Variants in CCSER1 observed in about 807,000 individuals in gnomAD.
CCSER1 encodes serine-rich coiled-coil domain-containing protein 1.
A neutral mutation model predicts 82.0 loss-of-function variants in CCSER1; 41 were observed. The observed-to-expected ratio is 0.50, with a 90% confidence interval of 0.39 to 0.65. The LOEUF is 0.65. Ranked by LOEUF, CCSER1 falls within the 30% of genes least tolerant of loss-of-function variation. The probability of loss-of-function intolerance (pLI) is 0.00; values close to 1 mark genes in which losing one functional copy is unlikely to be tolerated. For missense variants in CCSER1, 1,119 were observed against 1,064.2 expected (o/e 1.05, Z -0.72); for synonymous variants, 414 against 383.9 (o/e 1.08, Z -0.92).
intron 10 of CCSER1, among the ~76,000 whole-genome samples, chr4:91,548,978 A>G (rs1162456878): frequency 2.6e-5 from 4 of 151,994 alleles, no homozygotes; most frequent in African/African-American, 4.8e-5. Flanking sequence ...TCTCCTTCTG[A>G]TATTCCCATT....
chr4:90,576,345 T>G, intron 5 of CCSER1, among the ~76,000 whole-genome samples: 1 of 152,152 alleles, frequency 6.6e-6, no homozygotes, highest in Non-Finnish European at 1.5e-5. Context: ...AATGACTCAT[T>G]TTTTAACTGA....
intron 9 of CCSER1, among the ~76,000 whole-genome samples, chr4:90,973,817 G>A (rs998502749): frequency 2.6e-5 from 4 of 151,072 alleles, no homozygotes; most frequent in Admixed American, 6.6e-5. Flanking sequence ...ACAGACAAAC[G>A]CATACATACA....
intron 7 of CCSER1, among the ~76,000 whole-genome samples, chr4:90,785,619 A>C (rs1277494993): frequency 6.6e-6 from 1 of 152,252 alleles, no homozygotes; most frequent in Non-Finnish European, 1.5e-5. Context: ...AATTATTGAC[A>C]GAAATAAGGT....
chr4:90,930,910 T>TTATATA (rs70963098), intron 9 of CCSER1, among the ~76,000 whole-genome samples: 4,637 of 109,360 alleles, frequency 0.042, 134 homozygotes, highest in East Asian at 0.12. Context: ...TATCCTTATT[T>TTATATA]TATATATATA....
chr4:91,263,727 T>C (rs1741364160), intron 10 of CCSER1, among the ~76,000 whole-genome samples: 1 of 151,956 alleles, frequency 6.6e-6, no homozygotes, highest in Non-Finnish European at 1.5e-5. Context: ...CCTGGGATAG[T>C]GTGATCTATA....
chr4:91,378,867 G>A (rs1578311370), intron 10 of CCSER1, among the ~76,000 whole-genome samples: 3 of 152,218 alleles, frequency 2.0e-5, no homozygotes, highest in South Asian at 4.1e-4. Context: ...TGCCCATTCA[G>A]TATGATATTG....
chr4:91,414,999 C>A (rs909410859), intron 10 of CCSER1, among the ~76,000 whole-genome samples: 1 of 152,026 alleles, frequency 6.6e-6, no homozygotes, highest in East Asian at 1.9e-4. Flanking sequence ...GACTTTTATA[C>A]CCCACTTTCA....
intron 9 of CCSER1, among the ~76,000 whole-genome samples, chr4:91,061,783 T>A (rs1466540645): frequency 6.6e-6 from 1 of 151,602 alleles, no homozygotes; most frequent in African/African-American, 2.4e-5. Context: ...TCACCTGTGG[T>A]AGGGTAGAGG....
chr4:91,492,621 A>T (rs1758608057), intron 10 of CCSER1, among the ~76,000 whole-genome samples: 1 of 152,110 alleles, frequency 6.6e-6, no homozygotes, highest in Admixed American at 6.6e-5. Flanking sequence ...ACTTAAGAAC[A>T]TTATAAGAAG....
chr4:90,575,826 T>C (rs967303807), intron 5 of CCSER1, among the ~76,000 whole-genome samples: 1 of 152,224 alleles, frequency 6.6e-6, no homozygotes, highest in Non-Finnish European at 1.5e-5. Flanking sequence ...AAATCTTTGT[T>C]ACTGTCAAGA....
chr4:91,037,519 T>C (rs1481365268), intron 9 of CCSER1, among the ~76,000 whole-genome samples: 1 of 152,186 alleles, frequency 6.6e-6, no homozygotes. Flanking sequence ...TGTGTTCCAC[T>C]TTAACCTTTG....
chr4:91,278,692 T>C (rs779975707), intron 10 of CCSER1, among the ~76,000 whole-genome samples: 4 of 152,172 alleles, frequency 2.6e-5, no homozygotes, highest in Non-Finnish European at 5.9e-5. Context: ...TCAAGGTTAA[T>C]GTTGATATGT....
At chr4:91,079,888 C>G (rs1428215928) in intron 9 of CCSER1, among the ~76,000 whole-genome samples, 1 of 152,060 alleles carries the variant, frequency 6.6e-6, no homozygotes, top group Non-Finnish European at 1.5e-5. Context: ...TTATAGGCAC[C>G]CAATACAGGA....
intron 1 of CCSER1, among the ~76,000 whole-genome samples, chr4:90,249,436 T>G (rs1325567614): frequency 6.6e-6 from 1 of 152,138 alleles, no homozygotes; most frequent in Non-Finnish European, 1.5e-5. Context: ...AGAGTAAATT[T>G]TAAACCATTT....
At chr4:90,757,806 T>C (rs1322920880) in intron 7 of CCSER1, among the ~76,000 whole-genome samples, 1 of 152,172 alleles carries the variant, frequency 6.6e-6, no homozygotes, top group Non-Finnish European at 1.5e-5. Context: ...AGTTTTTTTC[T>C]TTTAAATCTC....
chr4:90,435,402 G>A (rs924770730), intron 4 of CCSER1, among the ~76,000 whole-genome samples: 1 of 152,042 alleles, frequency 6.6e-6, no homozygotes, highest in South Asian at 2.1e-4. Context: ...CTCCTAGAGA[G>A]GGATCTCATC....
chr4:91,486,561 G>T (rs1026099945), intron 10 of CCSER1, among the ~76,000 whole-genome samples: 3 of 151,998 alleles, frequency 2.0e-5, no homozygotes, highest in African/African-American at 4.8e-5. Flanking sequence ...GTGCCCATGG[G>T]TTCTGCATCC....
intron 10 of CCSER1, among the ~76,000 whole-genome samples, chr4:91,373,984 G>A (rs755169034): frequency 7.9e-5 from 12 of 152,186 alleles, no homozygotes; most frequent in Non-Finnish European, 1.6e-4. Context: ...CTAATTCAGA[G>A]CAAGGTTCTA....
chr4:91,043,829 C>T (rs748917019), intron 9 of CCSER1, among the ~76,000 whole-genome samples: 3 of 152,142 alleles, frequency 2.0e-5, no homozygotes, highest in Non-Finnish European at 2.9e-5. Context: ...CTCAGGTGAT[C>T]TGCCCTCCTC....
Sources: gnomAD v4.1 joint callset for allele counts (sites outside exome capture counted in the v4.1 genomes callset) on GRCh38, gnomAD v4.1.1 for gene constraint, MANE v1.5 for transcripts, NCBI Gene and HGNC (gene_info 2026-07-23, HGNC 2026-07-21) for gene names.